The following TEX2 variants were observed in gnomAD, a reference collection of about 807,000 sequenced individuals.
TEX2 encodes the protein testis-expressed protein 2.
Under a neutral mutation model 106.9 loss-of-function variants are expected in TEX2, and 53 were observed. That is an observed-to-expected ratio of 0.50 (90% confidence interval 0.40 to 0.62). The LOEUF is 0.62. Among genes scored for constraint, TEX2 ranks in the 20% least tolerant of loss-of-function variants. The pLI, the probability that TEX2 is intolerant of heterozygous loss-of-function variation, is 0.00. For synonymous variants in TEX2, 523 were observed against 534.8 expected, an observed-to-expected ratio of 0.98 and a Z score of 0.30; for missense variants, 1,207 against 1,379.0, an observed-to-expected ratio of 0.88 and a Z score of 1.98.
At chr17:64,209,194 A>G in intron 2 of TEX2, among the ~76,000 whole-genome samples, 1 of 152,228 alleles carries the variant, frequency 6.6e-6, no homozygotes, top group East Asian at 1.9e-4. Flanking sequence ...CAACGCTGCT[A>G]AATGTTTTAA....
intron 7 of TEX2, among the ~76,000 whole-genome samples, chr17:64,168,232 A>G (rs16947528): frequency 0.021 from 3,164 of 152,238 alleles, 52 homozygotes; most frequent in South Asian, 0.098. Flanking sequence ...GGAATCCAAA[A>G]TGCTTATTTA....
intron 1 of TEX2, among the ~76,000 whole-genome samples, chr17:64,256,764 T>C: frequency 6.6e-6 from 1 of 152,246 alleles, no homozygotes; most frequent in Non-Finnish European, 1.5e-5. Flanking sequence ...CCCTGGTAGA[T>C]GCTCAAATAC....
At position 64,148,381 on chromosome 17, in the gene TEX2, G is replaced by A. The variant is rs1378304320; in HGVS notation, c.*588C>T. Reference sequence around the variant, plus strand: ...CACTGTCCTTACCCAAGCTGATAGCGTGTTGTGTGTGTACTATGGCTACTT... The same window carrying A: ...CACTGTCCTTACCCAAGCTGATAGCATGTTGTGTGTGTACTATGGCTACTT... On this transcript the variant is annotated 3_prime_UTR_variant, in exon 12 of 12. Coordinates refer to ENST00000584379, the MANE Select transcript of TEX2 (RefSeq NM_001288732.2). The A allele has an allele frequency of 3.3e-5, 5 of 152,856 alleles. No individual in the cohort carries two copies. The highest frequency in any genetic ancestry group is 7.3e-5 in the Non-Finnish European group (5 of 68,248). The allele number at this position is 152,856 out of a possible 1,614,324, so 9.5% of individuals were successfully genotyped here.
Position 64,212,656 on chromosome 17 carries a change from G to C in TEX2, c.1562C>G (p.Ala521Gly). The change falls in exon 2 of 12, where the codon GCT becomes GGT. Residue 521 changes from alanine (A) to glycine (G), a missense_variant. Physicochemically the swap from Ala to Gly is moderately conservative, Grantham distance 60. Around this residue, in one of 3 missense-constraint regions of TEX2, gnomAD observed 1,067 missense variants for 1,193.6 expected, o/e 0.89. Coordinates refer to ENST00000584379, the MANE Select transcript of TEX2 (RefSeq NM_001288732.2). Reference sequence around the variant, plus strand: ...TTTGTGTAACTTGTGATATTTATGAGCACTTGGTGGTGTAAAAAACCAAAT... The same window carrying C: ...TTTGTGTAACTTGTGATATTTATGACCACTTGGTGGTGTAAAAAACCAAAT... Reference protein sequence around the residue: ...CVIWFFTPPSAHKYHKLHKNL... With the variant: ...CVIWFFTPPSGHKYHKLHKNL... 5.0e-6 allele frequency: 8 copies of C among 1,614,154 alleles called. No individual in the cohort carries two copies. Among genetic ancestry groups the C allele is most frequent in the Non-Finnish European group, 6.8e-6 (8 of 1,180,018 alleles).
intron 1 of TEX2, among the ~76,000 whole-genome samples, chr17:64,240,641 T>C (rs1378604677): frequency 1.3e-5 from 2 of 152,168 alleles, no homozygotes; most frequent in African/African-American, 4.8e-5. Flanking sequence ...CTCCTAGCAT[T>C]TGCATGGGGA....
rs552193559 is a variant in TEX2, at chr17:64,153,396, C to A, written c.2931-242G>T. ...GACAATAAAAAATGTTGCCAGACAT[C>A]GGCAAATGTCCTCTGGGGGGCCAAA... On this transcript the variant is annotated intron_variant, in intron 9 of 11. Transcript: ENST00000584379. The surrounding 1 kb of genome is among the most constrained non-coding windows in gnomAD (Gnocchi z 4.1). Among the ~76,000 whole-genome samples, 1 of 152,160 alleles carries A rather than the reference C, an allele frequency of 6.6e-6. No individual in the cohort carries two copies. Among genetic ancestry groups the A allele is most frequent in the African/African-American group, 2.4e-5 (1 of 41,402 alleles).
At position 64,150,883 on chromosome 17, in the gene TEX2, A is replaced by G. The variant is rs2030317253; in HGVS notation, c.3219T>C (p.His1073=). ...GTTTCTTCTCTATCCAGTCTGTCACATGAACTAAAGTCACTTCTCTCTCTC... is the reference window on the plus strand; with the variant it reads ...GTTTCTTCTCTATCCAGTCTGTCACGTGAACTAAAGTCACTTCTCTCTCTC... ...KLGEREVTLV[H]VTDWIEKKLE... The change falls in exon 11 of 12, where the codon CAT becomes CAC. Residue 1073 remains histidine, a synonymous_variant. Coordinates refer to ENST00000584379, the MANE Select transcript of TEX2 (RefSeq NM_001288732.2). The G allele has an allele frequency of 6.2e-7, 1 of 1,613,752 alleles. No homozygotes were observed. The highest frequency in any genetic ancestry group is 1.3e-5 in the African/African-American group (1 of 74,884).
At position 64,170,497 on chromosome 17, in the gene TEX2, G is replaced by C. The variant is rs1441879313; in HGVS notation, c.2671+603C>G. Among the ~76,000 whole-genome samples, 3 of 152,176 alleles carry C rather than the reference G, an allele frequency of 2.0e-5. No homozygotes were observed. In the East Asian group the frequency reaches 5.8e-4, roughly 29 times the overall value. ...AGCCACTGCCTCATGCCCTGGCAAG[G>C]GCTGCAACCCCTACAAAAGCACAGG... On this transcript the variant is annotated intron_variant, in intron 7 of 11. Transcript: ENST00000584379.
Position 64,213,025 on chromosome 17 carries a change from C to G in TEX2, c.1193G>C (p.Ser398Thr). ...SSLKDLGLKT[S>T]SLVLEKCSLS... ...AGAACATTTCTCCAGAACTAGAGAA[C>G]TTGTCTTCAGGCCTAAATCCTTCAG... Residue 398 changes from serine to threonine, a missense_variant, in exon 2 of 12, where the codon AGT (serine) becomes ACT (threonine). Physicochemically the swap from Ser to Thr is moderately conservative, Grantham distance 58. Transcript: ENST00000584379. The surrounding 1 kb of genome is among the most constrained non-coding windows in gnomAD (Gnocchi z 4.4). The G allele has an allele frequency of 1.9e-6, 3 of 1,614,228 alleles. No homozygotes were observed. In the East Asian group the frequency reaches 6.7e-5, roughly 36 times the overall value.
intron 4 of TEX2, among the ~76,000 whole-genome samples, chr17:64,193,177 G>C (rs867803903): frequency 2.6e-5 from 4 of 152,310 alleles, no homozygotes; most frequent in African/African-American, 9.6e-5. Context: ...GGCAAGCTCA[G>C]GCTCGGAAGA....
chr17:64,252,701 G>A (rs1467048549), intron 1 of TEX2, among the ~76,000 whole-genome samples: 1 of 152,030 alleles, frequency 6.6e-6, no homozygotes, highest in Non-Finnish European at 1.5e-5. Context: ...CATTCACCCC[G>A]AGAATATTTA....
Position 64,213,749 on chromosome 17 carries a change from T to A in TEX2, c.469A>T (p.Lys157Ter). ...GACAATGGGGAGGAAGAACTGGTTTTCTGCTCAGAAAGGGATGACACACTG... is the reference window on the plus strand; with the variant it reads ...GACAATGGGGAGGAAGAACTGGTTTACTGCTCAGAAAGGGATGACACACTG... ...SPSVSSLSEQ[K>*]TSSSSPLSSP... The change falls in exon 2 of 12, where the codon AAA becomes TAA. Residue 157 changes from lysine (K) to a stop codon, truncating the protein, a stop_gained. Transcript: ENST00000584379. LOFTEE classifies it high-confidence loss of function. This position sits in a 1 kb window ranked among gnomAD's most constrained non-coding sequence, Gnocchi z 4.4. The A allele has an allele frequency of 6.2e-7, 1 of 1,614,110 alleles. No individual in the cohort carries two copies. The highest frequency in any genetic ancestry group is 8.5e-7 in the Non-Finnish European group (1 of 1,180,006).
chr17:64,216,134 T>C (rs1340957069), intron 1 of TEX2, among the ~76,000 whole-genome samples: 2 of 152,180 alleles, frequency 1.3e-5, no homozygotes, highest in Non-Finnish European at 2.9e-5. Flanking sequence ...ATGATCTCTA[T>C]CCACCAACAA....
intron 1 of TEX2, among the ~76,000 whole-genome samples, chr17:64,244,408 C>A (rs527531591): frequency 6.6e-6 from 1 of 152,174 alleles, no homozygotes; most frequent in Non-Finnish European, 1.5e-5. Flanking sequence ...GAATTTGCCT[C>A]GCACTCATGG....
intron 1 of TEX2, among the ~76,000 whole-genome samples, chr17:64,234,453 C>T (rs533277005): frequency 1.2e-4 from 19 of 152,262 alleles, no homozygotes; most frequent in African/African-American, 7.2e-5. Flanking sequence ...CAAAGCAAAA[C>T]GCCAAAACAG....
intron 6 of TEX2, among the ~76,000 whole-genome samples, chr17:64,174,161 A>G (rs1325829488): frequency 6.6e-6 from 1 of 152,162 alleles, no homozygotes; most frequent in Non-Finnish European, 1.5e-5. Context: ...CGGTGTTTCT[A>G]TGGGAATGTC....
intron 1 of TEX2, among the ~76,000 whole-genome samples, chr17:64,233,630 C>T (rs2033705509): frequency 1.3e-5 from 2 of 152,160 alleles, no homozygotes; most frequent in African/African-American, 2.4e-5. Flanking sequence ...AATGGAATCA[C>T]GAGGAATTCA....
intron 1 of TEX2, among the ~76,000 whole-genome samples, chr17:64,252,019 C>T (rs779081082): frequency 6.6e-6 from 1 of 152,262 alleles, no homozygotes; most frequent in African/African-American, 2.4e-5. Context: ...TGGCTGTGGG[C>T]TGTATATGGA....
intron 1 of TEX2, among the ~76,000 whole-genome samples, chr17:64,223,583 T>C (rs2033421376): frequency 6.6e-6 from 1 of 151,908 alleles, no homozygotes; most frequent in African/African-American, 2.4e-5. Context: ...CTAATTCATA[T>C]ACTAGATTAG....
Sources: gnomAD v4.1 joint callset for allele counts (sites outside exome capture counted in the v4.1 genomes callset) on GRCh38, gnomAD v4.1.1 for gene constraint, gnomAD v4.1.1 regional missense constraint, Gnocchi (gnomAD v3.1) non-coding constraint, MANE v1.5 for transcripts, NCBI Gene and HGNC (gene_info 2026-07-23, HGNC 2026-07-21) for gene names.